TRPS1: variants seen among roughly 807,000 people sequenced by gnomAD.
TRPS1 encodes zinc finger transcription factor Trps1.
Under a neutral mutation model 101.2 loss-of-function variants are expected in TRPS1, and 6 were observed. That is an observed-to-expected ratio of 0.06 (90% CI 0.03 to 0.12). TRPS1 has a LOEUF of 0.12. TRPS1 is among the 10% of genes least tolerant of loss of function. TRPS1 has a pLI of 1.00. For synonymous variants in TRPS1, 578 were observed against 589.8 expected, an observed-to-expected ratio of 0.98 and a Z score of 0.29; for missense variants, 1,363 against 1,567.0, an observed-to-expected ratio of 0.87 and a Z score of 2.20.
intron 5 of TRPS1, among the ~76,000 whole-genome samples, chr8:115,502,475 T>A (rs1815342305): frequency 6.6e-6 from 1 of 152,124 alleles, no homozygotes; most frequent in Admixed American, 6.5e-5. Context: ...AGTACAGAAA[T>A]GTGGACATTT....
At chr8:115,487,803 T>A (rs1011101154) in intron 5 of TRPS1, among the ~76,000 whole-genome samples, 5 of 152,126 alleles carry the variant, frequency 3.3e-5, no homozygotes, top group Admixed American at 6.5e-5. Flanking sequence ...AAAAAAGTGG[T>A]TTCTAAGAAG....
At chr8:115,583,009 G>C (rs1366139569) in intron 5 of TRPS1, among the ~76,000 whole-genome samples, 1 of 152,012 alleles carries the variant, frequency 6.6e-6, no homozygotes, top group African/African-American at 2.4e-5. Flanking sequence ...AAGCTTAACT[G>C]TACTTCCGTA....
chr8:115,452,141 GA>G (rs1813890922), intron 5 of TRPS1, among the ~76,000 whole-genome samples: 1 of 152,168 alleles, frequency 6.6e-6, no homozygotes, highest in Non-Finnish European at 1.5e-5. Flanking sequence ...TAAACCCAAT[GA>G]ATTCTGGACT....
At chr8:115,429,307 G>A (rs1401449356) in intron 5 of TRPS1, among the ~76,000 whole-genome samples, 1 of 152,084 alleles carries the variant, frequency 6.6e-6, no homozygotes, top group Non-Finnish European at 1.5e-5. Flanking sequence ...GCTTTTGCAC[G>A]TCCATTAGTG....
At chr8:115,435,983 A>C (rs2129854927) in intron 5 of TRPS1, among the ~76,000 whole-genome samples, 1 of 146,630 alleles carries the variant, frequency 6.8e-6, no homozygotes, top group African/African-American at 2.5e-5. Flanking sequence ...TCTAAATGCT[A>C]CAACAAATGA....
intron 5 of TRPS1, among the ~76,000 whole-genome samples, chr8:115,569,924 G>T (rs901730675): frequency 6.6e-6 from 1 of 151,738 alleles, no homozygotes; most frequent in African/African-American, 2.4e-5. Flanking sequence ...AAAAAAGAAG[G>T]TATATAAAAA....
chr8:115,667,866 C>T (rs962640765), intron 1 of TRPS1: 57 of 1,535,546 alleles, frequency 3.7e-5, no homozygotes, highest in Admixed American at 7.8e-5. Context: ...CGAGTTCGCC[C>T]AACTTACTAC....
intron 1 of TRPS1, among the ~76,000 whole-genome samples, chr8:115,653,913 G>T (rs879551642): frequency 9.2e-5 from 14 of 152,224 alleles, no homozygotes; most frequent in Non-Finnish European, 1.2e-4. Flanking sequence ...CTTGGGGGCT[G>T]TCTTAGGTTC....
chr8:115,545,560 A>G (rs1177237870), intron 5 of TRPS1, among the ~76,000 whole-genome samples: 1 of 152,202 alleles, frequency 6.6e-6, no homozygotes, highest in Non-Finnish European at 1.5e-5. Context: ...GGTGTCAATT[A>G]TTCTACCCTT....
At chr8:115,645,971 C>T (rs531780069) in intron 1 of TRPS1, among the ~76,000 whole-genome samples, 13 of 152,150 alleles carry the variant, frequency 8.5e-5, no homozygotes, top group African/African-American at 2.4e-4. Context: ...CAATAGCTGA[C>T]GGCTAGAATG....
intron 4 of TRPS1, among the ~76,000 whole-genome samples, chr8:115,590,948 C>A (rs1013472004): frequency 2.0e-5 from 3 of 151,924 alleles, no homozygotes; most frequent in Non-Finnish European, 4.4e-5. Context: ...CCCCCATGTA[C>A]CTTAACCATG....
At chr8:115,573,616 T>C (rs1484601075) in intron 5 of TRPS1, among the ~76,000 whole-genome samples, 1 of 152,186 alleles carries the variant, frequency 6.6e-6, no homozygotes, top group Non-Finnish European at 1.5e-5. Flanking sequence ...TGTCAACCTA[T>C]GTAAGATGGT....
intron 5 of TRPS1, among the ~76,000 whole-genome samples, chr8:115,459,324 A>AAATAATAATAATAATAATAAT (rs61516910): frequency 2.8e-4 from 42 of 149,948 alleles, no homozygotes; most frequent in Non-Finnish European, 4.4e-4. Flanking sequence ...ACTCTGTCTC[A>AAATAATAATAATAATAATAAT]AATAATAATA....
chr8:115,435,970 A>G (rs937995347), intron 5 of TRPS1, among the ~76,000 whole-genome samples: 2 of 150,620 alleles, frequency 1.3e-5, no homozygotes, highest in Non-Finnish European at 3.0e-5. Flanking sequence ...TGATTCTTAT[A>G]CTTCTAAATG....
intron 5 of TRPS1, among the ~76,000 whole-genome samples, chr8:115,435,259 C>T (rs572232681): frequency 6.6e-6 from 1 of 152,234 alleles, no homozygotes; most frequent in East Asian, 1.9e-4. Flanking sequence ...GGATGTCAAT[C>T]GCATTTCTGG....
At chr8:115,572,819 A>G (rs561979624) in intron 5 of TRPS1, among the ~76,000 whole-genome samples, 16 of 152,238 alleles carry the variant, frequency 1.1e-4, no homozygotes, top group Non-Finnish European at 1.8e-4. Context: ...TGACTCTAGA[A>G]TTCTGCTAAT....
At chr8:115,480,047 C>G (rs1814713235) in intron 5 of TRPS1, among the ~76,000 whole-genome samples, 1 of 152,132 alleles carries the variant, frequency 6.6e-6, no homozygotes. Context: ...TGTATATACT[C>G]TAATGGCATA....
At chr8:115,649,557 C>A (rs1190177881) in intron 1 of TRPS1, among the ~76,000 whole-genome samples, 1 of 152,182 alleles carries the variant, frequency 6.6e-6, no homozygotes, top group Non-Finnish European at 1.5e-5. Flanking sequence ...GAATCAGGAT[C>A]AGCATTTTAA....
chr8:115,531,867 G>C (rs888117859), intron 5 of TRPS1, among the ~76,000 whole-genome samples: 2 of 152,030 alleles, frequency 1.3e-5, no homozygotes, highest in African/African-American at 4.8e-5. Flanking sequence ...TGATGGAGGC[G>C]GGTGCTTATT....
Sources: gnomAD v4.1 joint callset for allele counts (sites outside exome capture counted in the v4.1 genomes callset) on GRCh38, gnomAD v4.1.1 for gene constraint, MANE v1.5 for transcripts, NCBI Gene and HGNC (gene_info 2026-07-23, HGNC 2026-07-21) for gene names.